Variants in NRF1 observed in about 807,000 individuals in gnomAD.
NRF1 encodes the protein alpha palindromic-binding protein.
In NRF1, 5 loss-of-function variants were observed where a neutral mutation model predicts 58.5. The ratio of observed to expected loss-of-function variants is 0.09; its 90% confidence interval spans 0.04 to 0.18. The LOEUF (loss-of-function observed/expected upper bound fraction) is 0.18. Among genes scored for constraint, NRF1 ranks in the 10% least tolerant of loss-of-function variants. NRF1 has a pLI of 1.00. For synonymous variants in NRF1, 224 were observed against 246.7 expected (o/e 0.91, Z 0.86); for missense variants, 288 against 657.7 (o/e 0.44, Z 6.15).
chr7:129,627,100 T>C (rs531617363), intron 1 of NRF1, among the ~76,000 whole-genome samples: 1 of 152,374 alleles, frequency 6.6e-6, no homozygotes, highest in African/African-American at 2.4e-5. Context: ...GCTAGCAGTT[T>C]CTTGCGTATT....
chr7:129,692,092 C>A (rs536127430), intron 5 of NRF1, among the ~76,000 whole-genome samples: 1 of 152,188 alleles, frequency 6.6e-6, no homozygotes, highest in East Asian at 1.9e-4. Flanking sequence ...CTCCACATTC[C>A]CCTGCCACCC....
intron 2 of NRF1, among the ~76,000 whole-genome samples, chr7:129,663,380 TGGCCGGACAGA>T (rs1273940762): frequency 8.5e-6 from 1 of 118,310 alleles, no homozygotes. Context: ...GACGGGGTGG[TGGCCGGACAGA>T]GGCGCTCCTC....
chr7:129,685,441 A>C (rs1260183887), intron 4 of NRF1, among the ~76,000 whole-genome samples: 1 of 152,054 alleles, frequency 6.6e-6, no homozygotes, highest in African/African-American at 2.4e-5. Context: ...CAAATACCCT[A>C]AACACCCTCC....
At position 129,619,484 on chromosome 7, in the gene NRF1, GTGTGTGTATATA is replaced by G. The variant is rs1328159418; in HGVS notation, c.-7+7662_-7+7673del. 5.0e-3 allele frequency among the ~76,000 whole-genome samples: 344 copies of G among 68,492 alleles called. 13 individuals are homozygous for G. Among genetic ancestry groups the G allele is most frequent in the Middle Eastern group, 0.018 (2 of 112 alleles). The allele number at this position is 68,492 out of a possible 152,430, so 44.9% of individuals were successfully genotyped here. A position where few individuals can be genotyped will look rare whatever the true frequency, so the allele number is the denominator to read the frequency against. On this transcript the variant is annotated intron_variant, in intron 1 of 10. Coordinates refer to ENST00000393232, the MANE Select transcript of NRF1 (RefSeq NM_005011.5). Reference sequence around the variant, plus strand: ...CGTGTGTGTGTGTGTGTGTGTGTGTGTGTGTGTATATATATATATATATATATATGTATTGTT... The same window carrying G: ...CGTGTGTGTGTGTGTGTGTGTGTGTGTATATATATATATATATGTATTGTT...
chr7:129,738,508 C>G (rs944404467), intron 10 of NRF1, among the ~76,000 whole-genome samples: 1 of 152,200 alleles, frequency 6.6e-6, no homozygotes, highest in African/African-American at 2.4e-5. Flanking sequence ...CGTTTTCATT[C>G]TGGGAAGCAT....
intron 4 of NRF1, among the ~76,000 whole-genome samples, chr7:129,690,067 A>G (rs958895657): frequency 6.6e-6 from 1 of 152,216 alleles, no homozygotes; most frequent in African/African-American, 2.4e-5. Flanking sequence ...TGGCCTGGGA[A>G]ATGCAGAACC....
intron 3 of NRF1, among the ~76,000 whole-genome samples, chr7:129,672,515 A>G (rs1802070679): frequency 6.6e-6 from 1 of 152,184 alleles, no homozygotes; most frequent in Non-Finnish European, 1.5e-5. Flanking sequence ...AGGGAGACCA[A>G]TTAGGTGGTG....
chr7:129,720,646 AG>A (rs1381325102), intron 9 of NRF1, among the ~76,000 whole-genome samples: 2 of 152,238 alleles, frequency 1.3e-5, no homozygotes, highest in East Asian at 3.9e-4. Flanking sequence ...GTGCAATGGC[AG>A]GTTGGGGAAT....
At chr7:129,643,937 C>T (rs901018489) in intron 1 of NRF1, among the ~76,000 whole-genome samples, 1 of 152,202 alleles carries the variant, frequency 6.6e-6, no homozygotes, top group African/African-American at 2.4e-5. Context: ...GCTGTCTGCG[C>T]GTTCATTGAT....
chr7:129,650,765 T>A (rs972174136), intron 1 of NRF1, among the ~76,000 whole-genome samples: 4 of 152,166 alleles, frequency 2.6e-5, no homozygotes, highest in African/African-American at 9.7e-5. Context: ...AATTGTAGCT[T>A]AGAGGTTGAG....
At chr7:129,615,470 A>T (rs771472562) in intron 1 of NRF1, among the ~76,000 whole-genome samples, 11 of 152,256 alleles carry the variant, frequency 7.2e-5, no homozygotes, top group Admixed American at 2.6e-4. Context: ...TGGAAAATCA[A>T]TCTTAAAATG....
intron 1 of NRF1, among the ~76,000 whole-genome samples, chr7:129,634,063 C>T (rs4506150): frequency 0.18 from 22,082 of 126,038 alleles, 1,915 homozygotes; most frequent in Admixed American, 0.24. Flanking sequence ...TATATATATA[C>T]ACACACACAC....
chr7:129,704,309 T>G (rs890500065), intron 5 of NRF1, among the ~76,000 whole-genome samples: 2 of 152,146 alleles, frequency 1.3e-5, no homozygotes, highest in African/African-American at 2.4e-5. Context: ...TTCTGCCGCC[T>G]TCTGCTTTTT....
At chr7:129,710,276 G>T in intron 6 of NRF1, 98 bp from the exon 7 acceptor site, 2 of 1,107,734 alleles carry the variant, frequency 1.8e-6, no homozygotes, top group Middle Eastern at 2.2e-4. Context: ...GTTTGGTTTG[G>T]TTTGATTTGA....
Position 129,648,423 on chromosome 7 carries a change from G to A in NRF1, c.-6-8923G>A, listed in dbSNP as rs556321733. Among the ~76,000 whole-genome samples the A allele has an allele frequency of 2.3e-3, 344 of 151,876 alleles. 1 individual carries two copies. Among genetic ancestry groups the A allele is most frequent in the Middle Eastern group, 3.4e-3 (1 of 292 alleles). ...GCCTCCCGAGTAGCTGGGACTACAG[G>A]TGCCCGCCACCACGCCCGGCTAACT... On this transcript the variant is annotated intron_variant, in intron 1 of 10. Transcript: ENST00000393232.
rs1271491633 is a variant in NRF1 at position 129,709,154 on chromosome 7, G to A, written c.686G>A (p.Cys229Tyr). ...RGKPGWGKES[C>Y]KPIWWPEDIP... ...AAACCAGGCTGGGGGAAAGAAAGCT[G>A]CAAGCCCATCTGGTGGCCTGAAGAT... Residue 229 changes from cysteine (C) to tyrosine (Y), a missense_variant, in exon 6 of 11, where the codon TGC becomes TAC. By Grantham distance (194) the Cys-to-Tyr change is radical. Transcript: ENST00000393232. 3 of 1,597,252 alleles carry A rather than the reference G, an allele frequency of 1.9e-6. No homozygotes were observed. Among genetic ancestry groups the A allele is most frequent in the Non-Finnish European group, 2.6e-6 (3 of 1,170,882 alleles).
chr7:129,653,348 C>A (rs1338512019), intron 1 of NRF1, among the ~76,000 whole-genome samples: 1 of 152,062 alleles, frequency 6.6e-6, no homozygotes, highest in Non-Finnish European at 1.5e-5. Flanking sequence ...CAGATAATTC[C>A]CATATACTTC....
At chr7:129,631,936 G>T (rs1801058296) in intron 1 of NRF1, among the ~76,000 whole-genome samples, 1 of 152,100 alleles carries the variant, frequency 6.6e-6, no homozygotes, top group African/African-American at 2.4e-5. Context: ...TTATAAATAT[G>T]CATGACTGCT....
In NRF1 at chr7:129,755,138, C is replaced by A; in HGVS notation, c.1469C>A (p.Thr490Asn). ...VTTRISDSAV[T>N]MDGQAVEVVT... ...ACCAGGATATCAGACAGCGCAGTCA[C>A]CATGGACGGCCAAGCTGTGGAGGTG... is the stretch of plus-strand genomic sequence containing the variant. Residue 490 changes from threonine to asparagine, a missense_variant, in exon 11 of 11, where the codon ACC becomes AAC. Physicochemically the swap from Thr to Asn is moderately conservative, Grantham distance 65. Around this residue, in one of 3 missense-constraint regions of NRF1, gnomAD observed 28 missense variants for 32.6 expected, o/e 0.86. Transcript: ENST00000393232. The surrounding 1 kb of genome is among the most constrained non-coding windows in gnomAD (Gnocchi z 5.8). 1 of 1,613,588 alleles carries A rather than the reference C, an allele frequency of 6.2e-7. No individual in the cohort carries two copies. Among genetic ancestry groups the A allele is most frequent in the Non-Finnish European group, 8.5e-7 (1 of 1,179,832 alleles).
Sources: gnomAD v4.1 joint callset for allele counts (sites outside exome capture counted in the v4.1 genomes callset) on GRCh38, gnomAD v4.1.1 for gene constraint, gnomAD v4.1.1 regional missense constraint, Gnocchi (gnomAD v3.1) non-coding constraint, MANE v1.5 for transcripts, NCBI Gene and HGNC (gene_info 2026-07-23, HGNC 2026-07-21) for gene names.